SLC22A3: variants seen among roughly 807,000 people sequenced by gnomAD.
SLC22A3 encodes the protein solute carrier family 22 member 3, also known as EMT organic cation transporter 3.
A neutral mutation model predicts 59.1 loss-of-function variants in SLC22A3; 51 were observed. That is an observed-to-expected ratio of 0.86 (90% confidence interval 0.69 to 1.09). SLC22A3 has a LOEUF of 1.09. Among genes scored for constraint, SLC22A3 ranks in the 50% least tolerant of loss-of-function variants. The pLI is 0.00. For missense variants in SLC22A3, 711 were observed against 726.3 expected, an observed-to-expected ratio of 0.98 and a Z score of 0.24; for synonymous variants, 325 against 292.0, an observed-to-expected ratio of 1.11 and a Z score of -1.15.
At chr6:160,425,023 G>A (rs1787895645) in intron 5 of SLC22A3, among the ~76,000 whole-genome samples, 1 of 152,180 alleles carries the variant, frequency 6.6e-6, no homozygotes, top group South Asian at 2.1e-4. Context: ...ATTGATACAG[G>A]CTGCTCTCAA....
At chr6:160,406,796 CAAT>C (rs964021029) in intron 2 of SLC22A3, among the ~76,000 whole-genome samples, 2 of 152,136 alleles carry the variant, frequency 1.3e-5, no homozygotes, top group Admixed American at 1.3e-4. Context: ...CTGTGTGAAA[CAAT>C]AGTTTCAAGG....
chr6:160,381,483 CTAAT>C (rs1304246415), intron 1 of SLC22A3, among the ~76,000 whole-genome samples: 4 of 152,206 alleles, frequency 2.6e-5, no homozygotes, highest in Admixed American at 2.0e-4. Flanking sequence ...GTGCACAACT[CTAAT>C]TAACACTGTT....
chr6:160,449,472 A>C (rs1788870391), intron 10 of SLC22A3, among the ~76,000 whole-genome samples: 1 of 152,236 alleles, frequency 6.6e-6, no homozygotes, highest in Non-Finnish European at 1.5e-5. Context: ...ACAGTGCTAC[A>C]ATTTAAGCAC....
chr6:160,407,430 G>A (rs1014845507), intron 3 of SLC22A3, among the ~76,000 whole-genome samples: 2 of 152,056 alleles, frequency 1.3e-5, no homozygotes, highest in East Asian at 1.9e-4. Context: ...AAGCACTGGG[G>A]CAAACTACTT....
chr6:160,404,112 T>C (rs1583482320), intron 2 of SLC22A3, among the ~76,000 whole-genome samples: 1 of 151,902 alleles, frequency 6.6e-6, no homozygotes, highest in African/African-American at 2.4e-5. Context: ...GGTATACTGA[T>C]TGGAAAGGAA....
chr6:160,412,848 AAATATAGAAATATATTTAGG>A (rs1315879682), intron 5 of SLC22A3, among the ~76,000 whole-genome samples: 4 of 152,200 alleles, frequency 2.6e-5, no homozygotes, highest in African/African-American at 9.6e-5. Flanking sequence ...TTAAAGGTCT[AAATATAGAAATATATTTAGG>A]AATATAGAAT....
At chr6:160,400,984 G>GAAAAAAAAAAAAAAAA (rs58532600) in intron 2 of SLC22A3, among the ~76,000 whole-genome samples, 1 of 78,558 alleles carries the variant, frequency 1.3e-5, no homozygotes, top group Non-Finnish European at 2.3e-5. Context: ...CTCCAAAACT[G>GAAAAAAAAAAAAAAAA]AAAAAAAAAA....
chr6:160,379,169 G>T (rs1037970791), intron 1 of SLC22A3, among the ~76,000 whole-genome samples: 1 of 152,178 alleles, frequency 6.6e-6, no homozygotes, highest in African/African-American at 2.4e-5. Context: ...AGGGAGAGTT[G>T]TCCCTATTTT....
In SLC22A3 at chr6:160,381,278, A is replaced by G. The variant is rs1299208227; in HGVS notation, c.430-16701A>G. Among the ~76,000 whole-genome samples, 3 of 152,326 alleles carry G rather than the reference A, an allele frequency of 2.0e-5. No homozygotes were observed. In the East Asian group the frequency reaches 5.8e-4, roughly 29 times the overall value. On this transcript the variant is annotated intron_variant, in intron 1 of 10. Transcript: ENST00000275300. ...GTGCCTGAAGGTCTTTTATCTGTAC[A>G]TTGATGTAACACTTTTCAAAAGCAT...
At chr6:160,370,948 C>T (rs16891511) in intron 1 of SLC22A3, among the ~76,000 whole-genome samples, 6,346 of 152,244 alleles carry the variant, frequency 0.042, 399 homozygotes, top group African/African-American at 0.13. Context: ...CAAGGCCTGG[C>T]TCAAATGCTG....
rs1398125166 is a variant in SLC22A3 at position 160,395,650 on chromosome 6, T to C, written c.430-2329T>C. On this transcript the variant is annotated intron_variant, in intron 1 of 10. Coordinates refer to ENST00000275300, the MANE Select transcript of SLC22A3 (RefSeq NM_021977.4). Reference sequence around the variant, plus strand: ...ATTTTTGTACCTCGAAAAACCAAAATTGATAATAAAAATCCTTTAAAATGA... The same window carrying C: ...ATTTTTGTACCTCGAAAAACCAAAACTGATAATAAAAATCCTTTAAAATGA... Among the ~76,000 whole-genome samples the C allele has an allele frequency of 2.0e-5, 3 of 152,240 alleles. No individual in the cohort carries two copies. In the East Asian group the frequency reaches 5.8e-4, roughly 29 times the overall value.
At chr6:160,414,027 A>T (rs1787366040) in intron 5 of SLC22A3, among the ~76,000 whole-genome samples, 1 of 152,170 alleles carries the variant, frequency 6.6e-6, no homozygotes, top group East Asian at 1.9e-4. Flanking sequence ...TTTGTTGATT[A>T]TATCTGTAGG....
chr6:160,441,354 A>G (rs1053480506), intron 7 of SLC22A3, among the ~76,000 whole-genome samples: 6 of 152,044 alleles, frequency 3.9e-5, no homozygotes, highest in African/African-American at 1.4e-4. Context: ...ATGTTGACAA[A>G]CCTTCTGCTC....
intron 1 of SLC22A3, among the ~76,000 whole-genome samples, chr6:160,355,459 T>C (rs1421727341): frequency 6.6e-6 from 1 of 151,958 alleles, no homozygotes; most frequent in Admixed American, 6.6e-5. Flanking sequence ...TTTCCTTTCC[T>C]CAAAATACCT....
At chr6:160,389,840 C>T (rs1393185629) in intron 1 of SLC22A3, among the ~76,000 whole-genome samples, 5 of 152,150 alleles carry the variant, frequency 3.3e-5, no homozygotes, top group African/African-American at 1.2e-4. Context: ...GGGCTGACAG[C>T]CTTGGAGACT....
chr6:160,349,609 G>A (rs1272329134), intron 1 of SLC22A3, among the ~76,000 whole-genome samples: 1 of 152,194 alleles, frequency 6.6e-6, no homozygotes, highest in Non-Finnish European at 1.5e-5. Flanking sequence ...CACATTTTGG[G>A]CAGTCAGTGC....
intron 1 of SLC22A3, among the ~76,000 whole-genome samples, chr6:160,382,360 C>T (rs1490213851): frequency 6.6e-6 from 1 of 152,212 alleles, no homozygotes; most frequent in East Asian, 1.9e-4. Context: ...TTTCCAAATA[C>T]TTGGCTGACC....
chr6:160,396,828 T>C (rs986146091), intron 1 of SLC22A3, among the ~76,000 whole-genome samples: 10 of 152,156 alleles, frequency 6.6e-5, no homozygotes, highest in Admixed American at 1.3e-4. Context: ...AGAGACTTAT[T>C]GCCACAGGAA....
rs550806893 is a variant in SLC22A3, at chr6:160,362,656, G to A, written c.429+13808G>A. ...ACACCGCGGGATGTCCAGAGAGGCC[G>A]GTCCCCAGCGGGTGGGGGCGGGCCA... On this transcript the variant is annotated intron_variant, in intron 1 of 10. Coordinates refer to ENST00000275300, the MANE Select transcript of SLC22A3 (RefSeq NM_021977.4). Among the ~76,000 whole-genome samples the A allele has an allele frequency of 2.6e-5, 4 of 152,330 alleles. No individual in the cohort carries two copies. The South Asian group carries it at 6.2e-4, about 24-fold the overall frequency.
Sources: allele counts gnomAD v4.1 joint callset (sites outside exome capture counted in the v4.1 genomes callset), GRCh38; gene constraint gnomAD v4.1.1; transcripts MANE v1.5; gene names NCBI Gene and HGNC (gene_info 2026-07-23, HGNC 2026-07-21).